The following UVRAG variants were observed in gnomAD, a reference collection of about 807,000 sequenced individuals.
UVRAG encodes the protein UV radiation resistance associated.
A neutral mutation model predicts 78.0 loss-of-function variants in UVRAG; 19 were observed. The ratio of observed to expected loss-of-function variants is 0.24; its 90% confidence interval spans 0.17 to 0.36. UVRAG has a LOEUF of 0.36. Ranked by LOEUF, UVRAG falls within the 10% of genes least tolerant of loss-of-function variation. The probability of loss-of-function intolerance (pLI) is 1.00; values close to 1 mark genes in which losing one functional copy is unlikely to be tolerated. For missense variants in UVRAG, 740 were observed against 853.8 expected (o/e 0.87, Z 1.66); for synonymous variants, 323 against 324.6 (o/e 1.00, Z 0.05).
At chr11:75,969,469 C>A (rs928264338) in intron 7 of UVRAG, among the ~76,000 whole-genome samples, 32 of 152,092 alleles carry the variant, frequency 2.1e-4, no homozygotes, top group African/African-American at 7.5e-4. Context: ...GGTGGCAGGG[C>A]AAAATGGCTT....
chr11:76,123,230 G>C (rs1952323744), intron 14 of UVRAG, among the ~76,000 whole-genome samples: 1 of 152,184 alleles, frequency 6.6e-6, no homozygotes, highest in Non-Finnish European at 1.5e-5. Flanking sequence ...CAGAGCGCTG[G>C]AAAGATACAC....
intron 1 of UVRAG, among the ~76,000 whole-genome samples, chr11:75,818,888 T>G (rs1945324516): frequency 6.6e-6 from 1 of 152,206 alleles, no homozygotes; most frequent in African/African-American, 2.4e-5. Context: ...AAGATGGGGT[T>G]TGTCAACCTT....
At chr11:75,866,375 A>ATAAATAAAT in intron 3 of UVRAG, among the ~76,000 whole-genome samples, 3 of 139,988 alleles carry the variant, frequency 2.1e-5, no homozygotes, top group Middle Eastern at 3.5e-3. Context: ...AAATAAATAA[A>ATAAATAAAT]TAAATAAAAT....
At chr11:76,055,497 G>A (rs532861998) in intron 12 of UVRAG, among the ~76,000 whole-genome samples, 3 of 152,144 alleles carry the variant, frequency 2.0e-5, no homozygotes, top group Admixed American at 1.3e-4. Context: ...TAGATTCTGC[G>A]GTTACATTTG....
chr11:75,833,331 A>AT (rs1945703304), intron 1 of UVRAG, among the ~76,000 whole-genome samples: 1 of 152,156 alleles, frequency 6.6e-6, no homozygotes, highest in East Asian at 1.9e-4. Flanking sequence ...AATGGGCATA[A>AT]TAATAGCCCA....
rs1349118951 is a variant in UVRAG, at chr11:76,142,431, A to C, written c.*1018A>C. 1.3e-5 allele frequency: 2 copies of C among 152,530 alleles called. No individual in the cohort carries two copies. Among genetic ancestry groups the C allele is most frequent in the Admixed American group, 1.3e-4 (2 of 15,288 alleles). The allele number at this position is 152,530 out of a possible 1,614,324, so 9.4% of individuals were successfully genotyped here. A position where few individuals can be genotyped will look rare whatever the true frequency, so the allele number is the denominator to read the frequency against. ...AGGCAGTTGAGATAGTTGGATTAAG[A>C]GGCTAGACGAGACATAGAATACTAT... On this transcript the variant is annotated 3_prime_UTR_variant, in exon 15 of 15. Transcript: ENST00000356136.
intron 4 of UVRAG, among the ~76,000 whole-genome samples, chr11:75,887,804 G>T (rs1447390584): frequency 6.6e-6 from 1 of 151,210 alleles, no homozygotes; most frequent in African/African-American, 2.4e-5. Context: ...GGCTGGTCTC[G>T]AATTTCTCAC....
chr11:75,938,473 T>C (rs1948422807), intron 6 of UVRAG, among the ~76,000 whole-genome samples: 1 of 152,216 alleles, frequency 6.6e-6, no homozygotes, highest in Non-Finnish European at 1.5e-5. Context: ...TTCCTATAAA[T>C]ATTCTGGAAA....
chr11:75,956,075 T>C (rs946426372), intron 6 of UVRAG, among the ~76,000 whole-genome samples: 1 of 152,164 alleles, frequency 6.6e-6, no homozygotes, highest in Admixed American at 6.5e-5. Flanking sequence ...ACTCAACATA[T>C]TGTTTTTGAG....
intron 3 of UVRAG, among the ~76,000 whole-genome samples, chr11:75,866,054 C>T (rs1014082047): frequency 6.6e-6 from 1 of 151,812 alleles, no homozygotes; most frequent in Non-Finnish European, 1.5e-5. Flanking sequence ...CCTAGGAGTT[C>T]AAGACCAGCC....
rs1952748639 is a variant in UVRAG at position 76,142,931 on chromosome 11, T to A, written c.*1518T>A. 1 of 152,276 alleles carries A rather than the reference T, an allele frequency of 6.6e-6. No individual in the cohort carries two copies. The allele number at this position is 152,276 out of a possible 1,614,324, so 9.4% of individuals were successfully genotyped here. ...GGCTCAAGTTTAATGTATAGCTACA[T>A]TGTTGTTTTCCATGTAGAGAACTCA... On this transcript the variant is annotated 3_prime_UTR_variant, in exon 15 of 15. Transcript: ENST00000356136.
intron 13 of UVRAG, among the ~76,000 whole-genome samples, chr11:76,081,238 C>T (rs1168401816): frequency 1.3e-5 from 2 of 151,858 alleles, no homozygotes; most frequent in Admixed American, 6.6e-5. Context: ...GATGGTCTCG[C>T]TCTGTTGCCC....
At chr11:75,927,410 T>C (rs1472772141) in intron 6 of UVRAG, among the ~76,000 whole-genome samples, 2 of 152,168 alleles carry the variant, frequency 1.3e-5, no homozygotes, top group East Asian at 3.8e-4. Flanking sequence ...AGGTTGTTGT[T>C]ATTCCTGAGA....
chr11:75,931,606 A>G (rs1948242508), intron 6 of UVRAG, among the ~76,000 whole-genome samples: 1 of 152,222 alleles, frequency 6.6e-6, no homozygotes, highest in African/African-American at 2.4e-5. Flanking sequence ...ACCTTGACCC[A>G]GTCACAGCCC....
At chr11:75,846,652 C>G (rs1337484045) in intron 1 of UVRAG, among the ~76,000 whole-genome samples, 1 of 151,152 alleles carries the variant, frequency 6.6e-6, no homozygotes, top group African/African-American at 2.4e-5. Flanking sequence ...AAAGACTTGG[C>G]TGTTGTCTTT....
intron 14 of UVRAG, among the ~76,000 whole-genome samples, chr11:76,124,742 G>T (rs1952354728): frequency 6.6e-6 from 1 of 152,190 alleles, no homozygotes; most frequent in Non-Finnish European, 1.5e-5. Flanking sequence ...TAGTCCTTCT[G>T]CTGACCTATT....
chr11:76,019,637 C>T lies in UVRAG; in HGVS notation c.1226+2657C>T, dbSNP rs1950205748. ...CTTGGATAAGATCCAGAAGGGTTCT[C>T]TGGATTACCAGGCAGAGATTCCTGT... On this transcript the variant is annotated intron_variant, in intron 12 of 14. Coordinates refer to ENST00000356136, the MANE Select transcript of UVRAG (RefSeq NM_003369.4). Among the ~76,000 whole-genome samples, 4 of 152,220 alleles carry T rather than the reference C, an allele frequency of 2.6e-5. No homozygotes were observed. The East Asian group carries it at 5.8e-4, about 22-fold the overall frequency.
At chr11:76,059,890 A>G (rs1361582354) in intron 12 of UVRAG, among the ~76,000 whole-genome samples, 1 of 152,254 alleles carries the variant, frequency 6.6e-6, no homozygotes, top group African/African-American at 2.4e-5. Flanking sequence ...CATTTTCTAT[A>G]AATACGAATG....
intron 1 of UVRAG, among the ~76,000 whole-genome samples, chr11:75,815,964 C>G (rs1945256458): frequency 6.6e-6 from 1 of 152,226 alleles, no homozygotes. Flanking sequence ...TACGGAGAAA[C>G]CAGTTTGTAC....
Sources: gnomAD v4.1 joint callset for allele counts (sites outside exome capture counted in the v4.1 genomes callset) on GRCh38, gnomAD v4.1.1 for gene constraint, MANE v1.5 for transcripts, NCBI Gene and HGNC (gene_info 2026-07-23, HGNC 2026-07-21) for gene names.